The following SLC4A4 variants were observed in gnomAD, a reference collection of about 807,000 sequenced individuals.
The protein encoded by SLC4A4 is electrogenic sodium bicarbonate cotransporter 1.
A neutral mutation model predicts 111.5 loss-of-function variants in SLC4A4; 27 were observed. The observed-to-expected ratio is 0.24, with a 90% CI of 0.18 to 0.33. SLC4A4 has a LOEUF of 0.33. Among genes scored for constraint, SLC4A4 ranks in the 10% least tolerant of loss-of-function variants. The pLI, the probability that SLC4A4 is intolerant of heterozygous loss-of-function variation, is 1.00. For synonymous variants in SLC4A4, 443 were observed against 463.4 expected (o/e 0.96, Z 0.57); for missense variants, 909 against 1,315.5 (o/e 0.69, Z 4.78).
intron 14 of SLC4A4, among the ~76,000 whole-genome samples, chr4:71,476,832 G>A (rs1728420326): frequency 6.6e-6 from 1 of 151,712 alleles, no homozygotes; most frequent in Admixed American, 6.6e-5. Context: ...TTTGACATAT[G>A]TGAGTGGATA....
chr4:71,458,898 G>A (rs952814422), intron 12 of SLC4A4, among the ~76,000 whole-genome samples: 1 of 152,044 alleles, frequency 6.6e-6, no homozygotes, highest in Non-Finnish European at 1.5e-5. Context: ...GAAAATATAA[G>A]GTGACGTTAA....
chr4:71,543,948 A>C (rs1196173254), intron 18 of SLC4A4, among the ~76,000 whole-genome samples: 1 of 152,078 alleles, frequency 6.6e-6, no homozygotes, highest in African/African-American at 2.4e-5. Context: ...TAAGGGGAGT[A>C]TATGCATGCT....
At chr4:71,124,663 T>TAG (rs1743517766) in intron 2 of SLC4A4, among the ~76,000 whole-genome samples, 1 of 152,374 alleles carries the variant, frequency 6.6e-6, no homozygotes, top group African/African-American at 2.4e-5. Context: ...TCAATGCCTC[T>TAG]TGAATAGCAT....
At chr4:71,265,679 T>G (rs1407804772) in intron 3 of SLC4A4, among the ~76,000 whole-genome samples, 1 of 152,204 alleles carries the variant, frequency 6.6e-6, no homozygotes, top group Non-Finnish European at 1.5e-5. Flanking sequence ...CTGCCTTATC[T>G]TTAGTTTCCT....
intron 2 of SLC4A4, among the ~76,000 whole-genome samples, chr4:71,156,597 C>CACAT (rs1553957365): frequency 2.1e-3 from 315 of 150,452 alleles, no homozygotes; most frequent in African/African-American, 6.4e-3. Context: ...CGCACACACA[C>CACAT]ACACACACAC....
intron 3 of SLC4A4, among the ~76,000 whole-genome samples, chr4:71,273,951 A>C (rs1324543829): frequency 1.3e-5 from 2 of 152,166 alleles, no homozygotes; most frequent in East Asian, 3.9e-4. Context: ...CTAATGACTG[A>C]CATATAAACT....
At chr4:71,144,994 A>C (rs1744123447) in intron 2 of SLC4A4, among the ~76,000 whole-genome samples, 1 of 151,922 alleles carries the variant, frequency 6.6e-6, no homozygotes, top group South Asian at 2.1e-4. Flanking sequence ...GTGGAATAGG[A>C]GTGGTGAGAG....
intron 2 of SLC4A4, among the ~76,000 whole-genome samples, chr4:71,171,886 C>T (rs34060642): frequency 6.6e-6 from 1 of 152,302 alleles, no homozygotes; most frequent in South Asian, 2.1e-4. Flanking sequence ...TCAATACTTT[C>T]TGTATTTTAA....
intron 1 of SLC4A4, 60 bp downstream of exon 1, chr4:71,187,461 G>A (rs1745524039): frequency 6.6e-6 from 1 of 152,444 alleles, no homozygotes; most frequent in African/African-American, 2.4e-5. Context: ...CTCCAAGGCG[G>A]AGGCGGGCGC....
At chr4:71,561,723 G>C (rs960568601) in intron 23 of SLC4A4, among the ~76,000 whole-genome samples, 1 of 151,654 alleles carries the variant, frequency 6.6e-6, no homozygotes, top group Non-Finnish European at 1.5e-5. Context: ...AGACTAAGAC[G>C]TAATAGTCCG....
At chr4:71,480,788 T>G (rs941952311) in intron 14 of SLC4A4, among the ~76,000 whole-genome samples, 1 of 151,762 alleles carries the variant, frequency 6.6e-6, no homozygotes, top group Admixed American at 6.6e-5. Flanking sequence ...GCTGTAACCC[T>G]AAGAAGCCAT....
chr4:71,431,549 G>A (rs923804788), intron 7 of SLC4A4, among the ~76,000 whole-genome samples: 2 of 152,050 alleles, frequency 1.3e-5, no homozygotes, highest in Non-Finnish European at 1.5e-5. Flanking sequence ...TTTAAAATCC[G>A]AATTTTTGTG....
intron 7 of SLC4A4, among the ~76,000 whole-genome samples, chr4:71,433,608 CT>C (rs773255191): frequency 9.7e-4 from 148 of 152,164 alleles, no homozygotes; most frequent in Non-Finnish European, 1.9e-3. Flanking sequence ...ATGATAGTTT[CT>C]TTTGCTGTGC....
At chr4:71,444,322 C>A (rs1387602766) in intron 8 of SLC4A4, among the ~76,000 whole-genome samples, 1 of 152,092 alleles carries the variant, frequency 6.6e-6, no homozygotes, top group African/African-American at 2.4e-5. Flanking sequence ...CTTCCGCAGG[C>A]ATAATTAACT....
At chr4:71,531,754 TACACACAC>T (rs56164928) in intron 16 of SLC4A4, among the ~76,000 whole-genome samples, 12,423 of 128,014 alleles carry the variant, frequency 0.097, 659 homozygotes, top group Middle Eastern at 0.19. Flanking sequence ...CCTCCCTGCC[TACACACAC>T]ACACACACAC....
At chr4:71,559,119 A>G (rs1020151484) in intron 22 of SLC4A4, among the ~76,000 whole-genome samples, 3 of 151,926 alleles carry the variant, frequency 2.0e-5, no homozygotes, top group African/African-American at 2.4e-5. Flanking sequence ...TCTGTAATAG[A>G]AGTTAGGACA....
chr4:71,312,900 A>G (rs1726325664), intron 3 of SLC4A4, among the ~76,000 whole-genome samples: 2 of 152,174 alleles, frequency 1.3e-5, no homozygotes, highest in African/African-American at 4.8e-5. Context: ...CCTATTCAAC[A>G]TAGTATTGGA....
chr4:71,105,609 A>G, intron 2 of SLC4A4, among the ~76,000 whole-genome samples: 1 of 143,528 alleles, frequency 7.0e-6, no homozygotes, highest in Non-Finnish European at 1.5e-5. Flanking sequence ...GCCCTCAGAA[A>G]TAACGCCGCA....
intron 3 of SLC4A4, among the ~76,000 whole-genome samples, chr4:71,324,815 T>A (rs1727388057): frequency 6.6e-6 from 1 of 152,032 alleles, no homozygotes; most frequent in South Asian, 2.1e-4. Flanking sequence ...CTTAAAAATG[T>A]CTGAGTAAAC....
Sources: allele counts gnomAD v4.1 joint callset (sites outside exome capture counted in the v4.1 genomes callset), GRCh38; gene constraint gnomAD v4.1.1; transcripts MANE v1.5; gene names NCBI Gene and HGNC (gene_info 2026-07-23, HGNC 2026-07-21).